CTNNA3: variants seen among roughly 807,000 people sequenced by gnomAD.
CTNNA3 encodes the protein catenin alpha 3, also known as catenin alpha-3.
In CTNNA3, 76 loss-of-function variants were observed where a neutral mutation model predicts 95.7. The ratio of observed to expected loss-of-function variants is 0.79; its 90% CI spans 0.66 to 0.96. The LOEUF (loss-of-function observed/expected upper bound fraction) is 0.96. CTNNA3 is among the 40% of genes least tolerant of loss of function. CTNNA3 has a pLI of 0.00. For synonymous variants in CTNNA3, 431 were observed against 374.4 expected, an observed-to-expected ratio of 1.15 and a Z score of -1.74; for missense variants, 1,191 against 1,089.8, an observed-to-expected ratio of 1.09 and a Z score of -1.31.
At chr10:65,972,625 T>A (rs955271622) in intron 16 of CTNNA3, among the ~76,000 whole-genome samples, 1 of 152,018 alleles carries the variant, frequency 6.6e-6, no homozygotes, top group African/African-American at 2.4e-5. Flanking sequence ...CACCTAGGCA[T>A]GCATCTAACC....
chr10:66,986,574 A>G (rs1850740997), intron 7 of CTNNA3, among the ~76,000 whole-genome samples: 1 of 152,168 alleles, frequency 6.6e-6, no homozygotes, highest in Non-Finnish European at 1.5e-5. Context: ...CTAATCATTC[A>G]TGAGGAAATA....
intron 15 of CTNNA3, among the ~76,000 whole-genome samples, chr10:66,053,523 T>C (rs932509527): frequency 2.6e-5 from 4 of 152,050 alleles, no homozygotes; most frequent in African/African-American, 9.7e-5. Context: ...CATTTTAAAA[T>C]GTACAATTAA....
chr10:66,491,278 C>T (rs1839914196), intron 11 of CTNNA3, among the ~76,000 whole-genome samples: 1 of 152,086 alleles, frequency 6.6e-6, no homozygotes, highest in Non-Finnish European at 1.5e-5. Context: ...TCATTCTACA[C>T]ATATTTGATA....
intron 13 of CTNNA3, among the ~76,000 whole-genome samples, chr10:66,125,614 G>C (rs2082786027): frequency 6.6e-6 from 1 of 152,208 alleles, no homozygotes; most frequent in Admixed American, 6.5e-5. Flanking sequence ...AAGGTCTGCA[G>C]CATCATTTAA....
intron 5 of CTNNA3, among the ~76,000 whole-genome samples, chr10:67,237,134 A>ATATATATATATATATATATG (rs1865513671): frequency 2.2e-5 from 1 of 45,424 alleles, no homozygotes; most frequent in African/African-American, 1.9e-4. Context: ...ATGTATATAT[A>ATATATATATATATATATATG]TATATATATA....
intron 7 of CTNNA3, among the ~76,000 whole-genome samples, chr10:67,144,376 C>A (rs1197241351): frequency 6.6e-6 from 1 of 152,144 alleles, no homozygotes; most frequent in Non-Finnish European, 1.5e-5. Flanking sequence ...AAAGAGTTAG[C>A]CTGTCCTTTG....
Position 66,090,594 on chromosome 10 carries a change from A to C in CTNNA3, c.1977+12563T>G, listed in dbSNP as rs187560461. On this transcript the variant is annotated intron_variant, in intron 14 of 17. Transcript: ENST00000433211. The stretch of plus-strand genomic sequence containing the variant: ...TAGTAAGTGGCAAAGTCTGATTCAA[A>C]CATAGGAGTCTAGCTCCAGAAATTG... Among the ~76,000 whole-genome samples the C allele has an allele frequency of 2.6e-3, 402 of 152,174 alleles. 1 individual carries two copies. Among genetic ancestry groups the C allele is most frequent in the Non-Finnish European group, 4.9e-3 (336 of 67,956 alleles).
chr10:67,015,710 CT>C (rs1564833188), intron 7 of CTNNA3, among the ~76,000 whole-genome samples: 11 of 151,970 alleles, frequency 7.2e-5, no homozygotes, highest in Non-Finnish European at 1.5e-4. Context: ...TAACAATTTT[CT>C]TCTTTTTATT....
At chr10:67,633,273 C>T (rs948702400) in intron 2 of CTNNA3, among the ~76,000 whole-genome samples, 4 of 152,176 alleles carry the variant, frequency 2.6e-5, no homozygotes, top group African/African-American at 4.8e-5. Flanking sequence ...GCCACACCAT[C>T]TCTGTGGTTC....
intron 9 of CTNNA3, among the ~76,000 whole-genome samples, chr10:66,679,308 AC>A (rs2132495931): frequency 6.6e-6 from 1 of 152,362 alleles, no homozygotes; most frequent in South Asian, 2.1e-4. Flanking sequence ...TTTTGAGGAT[AC>A]TAGCTTCAGC....
chr10:67,704,491 A>C (rs375577775), intron 1 of CTNNA3, among the ~76,000 whole-genome samples: 5,398 of 152,288 alleles, frequency 0.035, 96 homozygotes, highest in Middle Eastern at 0.085. Context: ...CAACTATCTG[A>C]TCTTTGACAA....
chr10:67,349,355 T>C (rs1842550109), intron 5 of CTNNA3, among the ~76,000 whole-genome samples: 1 of 152,150 alleles, frequency 6.6e-6, no homozygotes, highest in African/African-American at 2.4e-5. Context: ...CTATATACAA[T>C]GGAATATTAT....
At chr10:67,505,909 A>G (rs910125391) in intron 5 of CTNNA3, among the ~76,000 whole-genome samples, 1 of 152,202 alleles carries the variant, frequency 6.6e-6, no homozygotes, top group Non-Finnish European at 1.5e-5. Flanking sequence ...TGCTGTAACT[A>G]AAATAGAAAA....
At chr10:66,352,912 AGAG>A (rs1392861563) in intron 12 of CTNNA3, among the ~76,000 whole-genome samples, 3 of 152,078 alleles carry the variant, frequency 2.0e-5, no homozygotes, top group African/African-American at 7.2e-5. Context: ...TGAAGCAGGA[AGAG>A]GAGGTCATCA....
intron 10 of CTNNA3, among the ~76,000 whole-genome samples, chr10:66,529,906 G>C (rs865981234): frequency 2.6e-5 from 4 of 152,098 alleles, no homozygotes; most frequent in South Asian, 2.1e-4. Context: ...ACCTCTCCAG[G>C]ACCTATTTTC....
intron 5 of CTNNA3, among the ~76,000 whole-genome samples, chr10:67,466,246 T>C (rs188601968): frequency 6.6e-6 from 1 of 152,202 alleles, no homozygotes; most frequent in Non-Finnish European, 1.5e-5. Context: ...TATGCCCAGA[T>C]TCTTTTTTAA....
chr10:66,306,932 T>C (rs1027740516), intron 12 of CTNNA3, among the ~76,000 whole-genome samples: 3 of 152,164 alleles, frequency 2.0e-5, no homozygotes, highest in Non-Finnish European at 4.4e-5. Flanking sequence ...TTAATTGAAG[T>C]CTAATTTATC....
intron 5 of CTNNA3, among the ~76,000 whole-genome samples, chr10:67,426,593 G>A (rs1404575122): frequency 6.6e-6 from 1 of 151,994 alleles, no homozygotes; most frequent in East Asian, 1.9e-4. Context: ...ACTCACAGAT[G>A]GGAATTGAAC....
At chr10:67,721,050 T>C (rs948057760) in intron 1 of CTNNA3, among the ~76,000 whole-genome samples, 1 of 152,192 alleles carries the variant, frequency 6.6e-6, no homozygotes. Context: ...CCTTTGTGGG[T>C]AACCCAACCT....
Sources: allele counts gnomAD v4.1 joint callset (sites outside exome capture counted in the v4.1 genomes callset), GRCh38; gene constraint gnomAD v4.1.1; transcripts MANE v1.5; gene names NCBI Gene and HGNC (gene_info 2026-07-23, HGNC 2026-07-21).